The following MYO1D variants were observed in gnomAD, a reference collection of about 807,000 sequenced individuals.
MYO1D encodes the protein unconventional myosin-Id.
In MYO1D, 83 loss-of-function variants were observed where a neutral mutation model predicts 122.0. The observed-to-expected ratio is 0.68, with a 90% CI of 0.57 to 0.82. The LOEUF (loss-of-function observed/expected upper bound fraction) is 0.82, where lower values mean the gene tolerates loss of function less well. Ranked by LOEUF, MYO1D falls within the 40% of genes least tolerant of loss-of-function variation. The pLI is 0.00. For missense variants in MYO1D, 1,157 were observed against 1,269.5 expected (o/e 0.91, Z 1.35); for synonymous variants, 464 against 446.9 (o/e 1.04, Z -0.48).
chr17:32,670,296 G>C (rs1312022617), intron 16 of MYO1D, among the ~76,000 whole-genome samples: 3 of 152,084 alleles, frequency 2.0e-5, no homozygotes, highest in Non-Finnish European at 1.5e-5. Context: ...AGAAGAGAAT[G>C]CTCTTGTTTT....
intron 17 of MYO1D, among the ~76,000 whole-genome samples, chr17:32,658,113 T>A (rs943640915): frequency 6.6e-6 from 1 of 151,192 alleles, no homozygotes; most frequent in African/African-American, 2.4e-5. Flanking sequence ...TAATTCTGTA[T>A]TTTTTCTTCT....
chr17:32,861,431 T>C (rs1476493261), intron 1 of MYO1D, among the ~76,000 whole-genome samples: 2 of 152,248 alleles, frequency 1.3e-5, no homozygotes, highest in East Asian at 3.9e-4. Context: ...TATTCACGAA[T>C]GTGACAAAAA....
intron 21 of MYO1D, among the ~76,000 whole-genome samples, chr17:32,530,751 T>TG (rs1327551115): frequency 6.6e-6 from 1 of 152,062 alleles, no homozygotes; most frequent in East Asian, 1.9e-4. Flanking sequence ...TAGTGAGCTA[T>TG]GATGATGCCA....
intron 16 of MYO1D, among the ~76,000 whole-genome samples, chr17:32,701,113 T>G (rs2089243309): frequency 6.6e-6 from 1 of 152,002 alleles, no homozygotes. Context: ...TGACTACAGA[T>G]TCAAAGGAAA....
At chr17:32,804,219 TTATAC>T (rs370049157) in intron 1 of MYO1D, among the ~76,000 whole-genome samples, 9 of 152,310 alleles carry the variant, frequency 5.9e-5, no homozygotes, top group East Asian at 1.9e-4. Flanking sequence ...TAAACAGTTG[TTATAC>T]TATATTTTGG....
chr17:32,767,523 T>C, intron 7 of MYO1D, 113 bp downstream of exon 7: 1 of 643,484 alleles, frequency 1.6e-6, no homozygotes, highest in Non-Finnish European at 2.6e-6. Context: ...TCAAAATACG[T>C]ACAAAATTTT....
At chr17:32,809,250 C>T (rs1374308860) in intron 1 of MYO1D, among the ~76,000 whole-genome samples, 1 of 151,860 alleles carries the variant, frequency 6.6e-6, no homozygotes, top group Non-Finnish European at 1.5e-5. Context: ...TCCTGAGCTG[C>T]TAAGACTACA....
chr17:32,604,908 A>G (rs16967454), intron 21 of MYO1D, among the ~76,000 whole-genome samples, 179 bp downstream of exon 21: 24,774 of 152,252 alleles, frequency 0.16, 2,145 homozygotes, highest in Middle Eastern at 0.26. Context: ...GATCATTCCT[A>G]ACCTTGAAAG....
At chr17:32,764,381 A>G (rs983139883) in intron 8 of MYO1D, among the ~76,000 whole-genome samples, 1 of 152,146 alleles carries the variant, frequency 6.6e-6, no homozygotes, top group African/African-American at 2.4e-5. Flanking sequence ...TAATAATAAT[A>G]CTAATAATAT....
intron 16 of MYO1D, among the ~76,000 whole-genome samples, chr17:32,678,112 G>A (rs1332113675): frequency 6.6e-6 from 1 of 152,094 alleles, no homozygotes; most frequent in African/African-American, 2.4e-5. Context: ...CTTTCTCACA[G>A]CCTCCTTATT....
chr17:32,842,886 CTT>C (rs34927176), intron 1 of MYO1D, among the ~76,000 whole-genome samples: 7,695 of 104,602 alleles, frequency 0.074, 265 homozygotes, highest in East Asian at 0.24. Flanking sequence ...CTATTTCTTT[CTT>C]TTTTTTTTTT....
Position 32,877,017 on chromosome 17 carries a change from C to A in MYO1D, c.-145G>T. The A allele has an allele frequency of 3.3e-6, 1 of 304,588 alleles. No homozygotes were observed. The highest frequency in any genetic ancestry group is 5.7e-6 in the Non-Finnish European group (1 of 175,160). The allele number at this position is 304,588 out of a possible 1,614,324, so 18.9% of individuals were successfully genotyped here. ...CGCACGCCGCTCGGCGGGTCCGGGC[C>A]GGACAGAGGCCGCCTCGCTGCTCCT... On this transcript the variant is annotated 5_prime_UTR_variant, in exon 1 of 22. Coordinates refer to ENST00000318217, the MANE Select transcript of MYO1D (RefSeq NM_015194.3).
intron 21 of MYO1D, among the ~76,000 whole-genome samples, chr17:32,533,806 A>G (rs987410862): frequency 2.0e-5 from 3 of 152,142 alleles, no homozygotes; most frequent in African/African-American, 7.2e-5. Context: ...CCCGTACCCT[A>G]TTTGAAGTTA....
At chr17:32,872,172 G>A (rs970374676) in intron 1 of MYO1D, among the ~76,000 whole-genome samples, 1 of 152,234 alleles carries the variant, frequency 6.6e-6, no homozygotes, top group Non-Finnish European at 1.5e-5. Context: ...AGGGAAAGAA[G>A]GAGCCCTCAC....
chr17:32,646,283 T>C (rs371888297), intron 19 of MYO1D, among the ~76,000 whole-genome samples: 32 of 152,142 alleles, frequency 2.1e-4, no homozygotes, highest in East Asian at 7.7e-4. Flanking sequence ...GAAGAACACT[T>C]ACTATCACTT....
At position 32,585,629 on chromosome 17, in the gene MYO1D, C is replaced by T. The variant is rs976513247; in HGVS notation, c.2864+19458G>A. On this transcript the variant is annotated intron_variant, in intron 21 of 21. Coordinates refer to ENST00000318217, the MANE Select transcript of MYO1D (RefSeq NM_015194.3). ...CCTGTAATCCCAGCTACTCAGGAGGCTGAGGCAAGGGAATCTTTTGAACGT... is the reference window on the plus strand; with the variant it reads ...CCTGTAATCCCAGCTACTCAGGAGGTTGAGGCAAGGGAATCTTTTGAACGT... 2.0e-5 allele frequency among the ~76,000 whole-genome samples: 3 copies of T among 151,884 alleles called. 1 individual carries two copies. Among genetic ancestry groups the T allele is most frequent in the African/African-American group, 4.8e-5 (2 of 41,428 alleles).
chr17:32,678,706 C>T lies in MYO1D; in HGVS notation c.2122-19368G>A, dbSNP rs1052358769. 4.2e-3 allele frequency among the ~76,000 whole-genome samples: 618 copies of T among 146,670 alleles called. 4 individuals are homozygous for T. The highest frequency in any genetic ancestry group is 0.015 in the African/African-American group (586 of 38,916). ...CAAGTCTTTGCTATTGTGAATAATGCCGCAATAAACATACGTGTGCATGTG... is the reference window on the plus strand; with the variant it reads ...CAAGTCTTTGCTATTGTGAATAATGTCGCAATAAACATACGTGTGCATGTG... On this transcript the variant is annotated intron_variant, in intron 16 of 21. Coordinates refer to ENST00000318217, the MANE Select transcript of MYO1D (RefSeq NM_015194.3).
chr17:32,789,749 A>G (rs1320873224), intron 1 of MYO1D, among the ~76,000 whole-genome samples: 1 of 152,154 alleles, frequency 6.6e-6, no homozygotes, highest in African/African-American at 2.4e-5. Flanking sequence ...CAGAGACTAG[A>G]AGAAGAATGC....
In MYO1D at chr17:32,609,913, T is replaced by C. The variant is rs572853386; in HGVS notation, c.2710-4672A>G. Among the ~76,000 whole-genome samples, 2 of 152,316 alleles carry C rather than the reference T, an allele frequency of 1.3e-5. 1 individual carries two copies. The highest frequency in any genetic ancestry group is 4.8e-5 in the African/African-American group (2 of 41,568). On this transcript the variant is annotated intron_variant, in intron 20 of 21. Coordinates refer to ENST00000318217, the MANE Select transcript of MYO1D (RefSeq NM_015194.3). ...CTGGATCCAGATGATTTTTATATGA[T>C]TAAATTAAAAATATCATTTTCATTT...
Sources: gnomAD v4.1 joint callset for allele counts (sites outside exome capture counted in the v4.1 genomes callset) on GRCh38, gnomAD v4.1.1 for gene constraint, MANE v1.5 for transcripts, NCBI Gene and HGNC (gene_info 2026-07-23, HGNC 2026-07-21) for gene names.